NAV3: variants seen among roughly 807,000 people sequenced by gnomAD.
NAV3 encodes the protein pore membrane and/or filament interacting like protein 1.
NAV3 carries 87 observed loss-of-function variants against 244.7 expected under a neutral mutation model. That is an observed-to-expected ratio of 0.36 (90% CI 0.30 to 0.42). NAV3 has a LOEUF of 0.42. NAV3 is among the 20% of genes least tolerant of loss of function. The pLI, the probability that NAV3 is intolerant of heterozygous loss-of-function variation, is 1.00. For missense variants in NAV3, 2,663 were observed against 2,893.3 expected (o/e 0.92, Z 1.83); for synonymous variants, 1,126 against 1,042.2 (o/e 1.08, Z -1.55).
intron 9 of NAV3, among the ~76,000 whole-genome samples, chr12:78,040,908 C>G (rs1880744217): frequency 1.3e-5 from 2 of 152,154 alleles, no homozygotes; most frequent in Admixed American, 6.6e-5. Flanking sequence ...TTGTATGTCT[C>G]TTCCTTGTCT....
intron 6 of NAV3, among the ~76,000 whole-genome samples, chr12:77,998,136 A>G (rs953634528): frequency 3.9e-5 from 6 of 152,204 alleles, no homozygotes; most frequent in East Asian, 1.9e-4. Context: ...TTGGAGGGAC[A>G]TGTTCATTGA....
intron 2 of NAV3, among the ~76,000 whole-genome samples, chr12:77,759,974 A>G (rs767473277): frequency 6.6e-6 from 1 of 152,072 alleles, no homozygotes; most frequent in Non-Finnish European, 1.5e-5. Flanking sequence ...GCCTCTTTGT[A>G]TATTAATACG....
intron 3 of NAV3, among the ~76,000 whole-genome samples, chr12:77,950,360 T>C (rs1380995018): frequency 1.3e-5 from 2 of 152,130 alleles, no homozygotes; most frequent in Non-Finnish European, 2.9e-5. Context: ...AATAGATTTG[T>C]AGTGGCATTT....
chr12:77,667,738 A>AT (rs1188395694), intron 2 of NAV3, among the ~76,000 whole-genome samples: 2 of 151,948 alleles, frequency 1.3e-5, no homozygotes, highest in African/African-American at 4.8e-5. Context: ...CACTTGAGAA[A>AT]CCTGAATACT....
intron 28 of NAV3, among the ~76,000 whole-genome samples, chr12:78,178,669 A>G (rs753077996): frequency 6.6e-6 from 1 of 152,168 alleles, no homozygotes; most frequent in Non-Finnish European, 1.5e-5. Context: ...CAACTAGCAT[A>G]GAACTCATAT....
chr12:78,059,182 GA>G (rs1883947095), intron 12 of NAV3, 67 bp downstream of exon 12: 1 of 1,476,590 alleles, frequency 6.8e-7, no homozygotes, highest in African/African-American at 1.4e-5. Context: ...GAAAATAACA[GA>G]AAACTCCTAT....
intron 2 of NAV3, among the ~76,000 whole-genome samples, chr12:77,652,374 C>T (rs772700614): frequency 6.6e-6 from 1 of 152,154 alleles, no homozygotes; most frequent in Non-Finnish European, 1.5e-5. Flanking sequence ...TAAAGTTCAC[C>T]TTTCTCTTTA....
intron 2 of NAV3, among the ~76,000 whole-genome samples, chr12:77,618,851 G>A (rs1053208736): frequency 4.7e-4 from 72 of 152,276 alleles, no homozygotes; most frequent in African/African-American, 1.7e-3. Flanking sequence ...AAAGCACACA[G>A]AATCTAAATA....
intron 5 of NAV3, among the ~76,000 whole-genome samples, chr12:77,973,520 C>T (rs891570315): frequency 2.0e-5 from 3 of 152,104 alleles, no homozygotes; most frequent in Non-Finnish European, 2.9e-5. Flanking sequence ...GTGAAATCCC[C>T]GGGTACACGT....
chr12:77,574,952 A>G (rs1294812619), intron 2 of NAV3, among the ~76,000 whole-genome samples: 1 of 151,430 alleles, frequency 6.6e-6, no homozygotes, highest in South Asian at 2.1e-4. Context: ...TTAAGATAGT[A>G]TCTTCCTACA....
At chr12:77,992,815 G>A (rs1261847961) in intron 5 of NAV3, among the ~76,000 whole-genome samples, 1 of 152,148 alleles carries the variant, frequency 6.6e-6, no homozygotes, top group Admixed American at 6.6e-5. Flanking sequence ...AACTAATTGG[G>A]TCAGCTTACT....
At chr12:77,607,789 G>A (rs1870737619) in intron 2 of NAV3, among the ~76,000 whole-genome samples, 1 of 152,014 alleles carries the variant, frequency 6.6e-6, no homozygotes, top group African/African-American at 2.4e-5. Context: ...TCATTTGCAT[G>A]TCTTGTCTCC....
chr12:77,766,199 G>A (rs1052130848), intron 2 of NAV3, among the ~76,000 whole-genome samples: 1 of 152,292 alleles, frequency 6.6e-6, no homozygotes, highest in African/African-American at 2.4e-5. Flanking sequence ...GGGAAAAGAA[G>A]GAGCTGGAGG....
intron 2 of NAV3, among the ~76,000 whole-genome samples, chr12:77,771,814 A>G (rs1437205784): frequency 1.3e-5 from 2 of 152,212 alleles, no homozygotes; most frequent in South Asian, 2.1e-4. Context: ...CTAATGTTAA[A>G]TGACAAGTTA....
intron 12 of NAV3, among the ~76,000 whole-genome samples, chr12:78,109,643 T>C (rs1181844212): frequency 6.6e-6 from 1 of 151,948 alleles, no homozygotes; most frequent in Non-Finnish European, 1.5e-5. Context: ...TGACTCAATG[T>C]AAATAAATCA....
At chr12:77,723,839 A>T (rs1451314874) in intron 2 of NAV3, among the ~76,000 whole-genome samples, 1 of 143,168 alleles carries the variant, frequency 7.0e-6, no homozygotes, top group African/African-American at 2.6e-5. Flanking sequence ...AACCTTCTGC[A>T]ACTTAAACAG....
At chr12:77,641,865 A>T (rs563392159) in intron 2 of NAV3, among the ~76,000 whole-genome samples, 1 of 152,236 alleles carries the variant, frequency 6.6e-6, no homozygotes, top group South Asian at 2.1e-4. Context: ...TTCCAAGTAT[A>T]TGCTCGGGGA....
intron 19 of NAV3, 83 bp from the exon 20 acceptor site, chr12:78,140,199 C>A: frequency 5.4e-6 from 6 of 1,101,114 alleles, no homozygotes; most frequent in Non-Finnish European, 8.3e-6. Flanking sequence ...CCTAACCACC[C>A]GTTCTTTACT....
chr12:77,719,779 G>C (rs1876528882), intron 2 of NAV3, among the ~76,000 whole-genome samples: 1 of 152,026 alleles, frequency 6.6e-6, no homozygotes, highest in Admixed American at 6.6e-5. Context: ...TCTTTGTCTA[G>C]CCTTGGTATC....
Sources: allele counts gnomAD v4.1 joint callset (sites outside exome capture counted in the v4.1 genomes callset), GRCh38; gene constraint gnomAD v4.1.1; transcripts MANE v1.5; gene names NCBI Gene and HGNC (gene_info 2026-07-23, HGNC 2026-07-21).